ATP8B1: variants seen among roughly 807,000 people sequenced by gnomAD.
The protein encoded by ATP8B1 is phospholipid-transporting ATPase IC.
A neutral mutation model predicts 149.9 loss-of-function variants in ATP8B1; 80 were observed. The observed-to-expected ratio is 0.53, with a 90% confidence interval of 0.45 to 0.64. The LOEUF is 0.64. Among genes scored for constraint, ATP8B1 ranks in the 30% least tolerant of loss-of-function variants. The pLI, the probability that ATP8B1 is intolerant of heterozygous loss-of-function variation, is 0.00. For missense variants in ATP8B1, 1,247 were observed against 1,552.6 expected (o/e 0.80, Z 3.31); for synonymous variants, 536 against 562.8 (o/e 0.95, Z 0.67).
chr18:57,697,991 G>T lies in ATP8B1; in HGVS notation c.555-124C>A, dbSNP rs2122913981. 6.8e-6 allele frequency: 6 copies of T among 882,826 alleles called. No individual in the cohort carries two copies. The East Asian group carries it at 1.1e-4, about 16-fold the overall frequency. The allele number at this position is 882,826 out of a possible 1,614,324, so 54.7% of individuals were successfully genotyped here. On this transcript the variant is annotated intron_variant, in intron 6 of 27. Coordinates refer to ENST00000648908, the MANE Select transcript of ATP8B1 (RefSeq NM_001374385.1). ...GTCACAGAGAAAATGCTAAAATTTT[G>T]CTCTTTAATGGATGTAAACATATTA...
intron 2 of ATP8B1, among the ~76,000 whole-genome samples, chr18:57,720,654 C>A (rs2079635296): frequency 9.2e-6 from 1 of 108,816 alleles, no homozygotes; most frequent in Non-Finnish European, 1.9e-5. Context: ...AGAATGGAAC[C>A]AAGTTGGAAA....
At position 57,667,992 on chromosome 18, in the gene ATP8B1, C is replaced by T. The variant is rs542281082; in HGVS notation, c.2209+437G>A. 41 of 1,117,660 alleles carry T rather than the reference C, an allele frequency of 3.7e-5. No homozygotes were observed. In the African/African-American group the frequency reaches 5.7e-4, roughly 15 times the overall value. The allele number at this position is 1,117,660 out of a possible 1,614,324, so 69.2% of individuals were successfully genotyped here. A position where few individuals can be genotyped will look rare whatever the true frequency, so the allele number is the denominator to read the frequency against. On this transcript the variant is annotated intron_variant, in intron 19 of 27. Coordinates refer to ENST00000648908, the MANE Select transcript of ATP8B1 (RefSeq NM_001374385.1). ...AGTTCTAAAGTTAAAAAATTAAAAT[C>T]GTTCTTTCCTTAGGTATACAATTTT...
chr18:57,720,909 C>T (rs1382679683), intron 2 of ATP8B1, among the ~76,000 whole-genome samples: 1 of 150,632 alleles, frequency 6.6e-6, no homozygotes, highest in Admixed American at 6.6e-5. Flanking sequence ...CGGCAGAAAC[C>T]CTACAAGCCA....
intron 1 of ATP8B1, among the ~76,000 whole-genome samples, chr18:57,746,142 T>C (rs1041539310): frequency 6.6e-6 from 1 of 152,232 alleles, no homozygotes; most frequent in Non-Finnish European, 1.5e-5. Flanking sequence ...ACATTTGCAC[T>C]GAAAGATACA....
intron 1 of ATP8B1, among the ~76,000 whole-genome samples, chr18:57,732,189 G>GTA (rs374980278): frequency 1.7e-5 from 1 of 59,352 alleles, no homozygotes; most frequent in African/African-American, 6.6e-5. Context: ...GTGTATATAT[G>GTA]TATATATGTG....
Position 57,668,617 on chromosome 18 carries a change from A to G in ATP8B1, c.2098-77T>C, listed in dbSNP as rs1911043265. 7.5e-6 allele frequency: 7 copies of G among 936,200 alleles called. No individual in the cohort carries two copies. In the South Asian group the frequency reaches 7.6e-5, roughly 10 times the overall value. The allele number at this position is 936,200 out of a possible 1,614,324, so 58.0% of individuals were successfully genotyped here. On this transcript the variant is annotated intron_variant, in intron 18 of 27. Transcript: ENST00000648908. The stretch of plus-strand genomic sequence containing the variant: ...AGTTTTCTGTAATTACAGGTTGCCA[A>G]CCTGTAAAAAGAAGGGCTAATTATA...
At chr18:57,670,104 AGACCAAGG>A (rs1173216885) in intron 17 of ATP8B1, among the ~76,000 whole-genome samples, 1 of 152,166 alleles carries the variant, frequency 6.6e-6, no homozygotes, top group Non-Finnish European at 1.5e-5. Context: ...GGAAAATATC[AGACCAAGG>A]GAGCTGCCTT....
intron 15 of ATP8B1, among the ~76,000 whole-genome samples, chr18:57,677,742 G>A (rs1453246434): frequency 3.3e-5 from 5 of 152,138 alleles, no homozygotes; most frequent in Admixed American, 2.0e-4. Context: ...AATGCTAGAG[G>A]GCAAACTATT....
intron 1 of ATP8B1, among the ~76,000 whole-genome samples, chr18:57,768,531 A>T (rs899263216): frequency 6.6e-6 from 1 of 150,786 alleles, no homozygotes; most frequent in Non-Finnish European, 1.5e-5. Context: ...GAATTGAGGG[A>T]GGAAAACATA....
intron 1 of ATP8B1, among the ~76,000 whole-genome samples, chr18:57,778,227 T>C (rs776734157): frequency 5.7e-5 from 8 of 140,688 alleles, no homozygotes; most frequent in South Asian, 2.2e-4. Context: ...TTTTTCTTTT[T>C]CTTTTTTTTT....
At chr18:57,713,240 C>CTTCCTTCTTTCTTTCTTTCT (rs1555694278) in intron 2 of ATP8B1, among the ~76,000 whole-genome samples, 24 of 65,098 alleles carry the variant, frequency 3.7e-4, no homozygotes, top group East Asian at 2.4e-3. Flanking sequence ...TCCTTCCTTC[C>CTTCCTTCTTTCTTTCTTTCT]TTCTTTCTTT....
intron 2 of ATP8B1, among the ~76,000 whole-genome samples, chr18:57,729,149 A>G (rs1333878661): frequency 1.3e-5 from 2 of 152,138 alleles, no homozygotes; most frequent in Non-Finnish European, 2.9e-5. Context: ...AAAACAGGGG[A>G]TGAGAGTTTC....
At chr18:57,755,413 A>G (rs981230700) in intron 1 of ATP8B1, 5 of 152,200 alleles carry the variant, frequency 3.3e-5, no homozygotes, top group African/African-American at 1.2e-4. Context: ...TCGGCAGCAC[A>G]TATACTAAAA....
intron 1 of ATP8B1, among the ~76,000 whole-genome samples, chr18:57,756,904 T>C (rs1270998636): frequency 6.6e-6 from 1 of 152,194 alleles, no homozygotes; most frequent in African/African-American, 2.4e-5. Flanking sequence ...TTTTTTGAAC[T>C]TGTAATTTGT....
intron 15 of ATP8B1, among the ~76,000 whole-genome samples, chr18:57,682,649 T>C (rs1912038848): frequency 6.6e-6 from 1 of 152,126 alleles, no homozygotes; most frequent in Non-Finnish European, 1.5e-5. Flanking sequence ...GACCTCTGCT[T>C]CCATGATTCA....
chr18:57,648,317 T>C lies in ATP8B1; in HGVS notation c.*171A>G. 1.2e-6 allele frequency: 1 copy of C among 832,206 alleles called. No individual in the cohort carries two copies. Among genetic ancestry groups the C allele is most frequent in the South Asian group, 1.5e-5 (1 of 66,916 alleles). 51.6% of individuals were successfully genotyped at this position (832,206 alleles called of 1,614,324 possible). A position where few individuals can be genotyped will look rare whatever the true frequency, so the allele number is the denominator to read the frequency against. On this transcript the variant is annotated 3_prime_UTR_variant, in exon 28 of 28. Coordinates refer to ENST00000648908, the MANE Select transcript of ATP8B1 (RefSeq NM_001374385.1). Reference sequence around the variant, plus strand: ...TAGGACTTTTAAAAGTCCTATTTCTTGGCTCTGCTATTGTTTAATAGTCCA... The same window carrying C: ...TAGGACTTTTAAAAGTCCTATTTCTCGGCTCTGCTATTGTTTAATAGTCCA...
At chr18:57,661,714 T>TATATATATA (rs1491309917) in intron 21 of ATP8B1, among the ~76,000 whole-genome samples, 12 of 37,472 alleles carry the variant, frequency 3.2e-4, no homozygotes, top group Non-Finnish European at 1.4e-4. Context: ...TATATATATA[T>TATATATATA]TTTTTTTTTT....
intron 1 of ATP8B1, among the ~76,000 whole-genome samples, chr18:57,764,319 T>G (rs1413215182): frequency 8.5e-6 from 1 of 118,112 alleles, no homozygotes; most frequent in Admixed American, 8.2e-5. Context: ...CTTTCTTTCT[T>G]TCTTTTTCTT....
rs1911088875 is a variant in ATP8B1, at chr18:57,669,353, C to G, written c.2062G>C (p.Asp688His). The change falls in exon 18 of 28, where the codon GAT (aspartate) becomes CAT (histidine). Residue 688 changes from aspartate (D) to histidine (H), a missense_variant. This residue lies in a region of ATP8B1 where 853 missense variants were observed against 1,035.7 expected (regional missense o/e 0.82). Transcript: ENST00000648908. ...VASTNRDEAL[D>H]KVYEEIEKDL... ...TTTTCAATCTCCTCATATACTTTAT[C>G]CAGAGCTTCGTCCCGGTTGGTGGAG... The G allele has an allele frequency of 1.2e-6, 2 of 1,613,346 alleles. No homozygotes were observed. The highest frequency in any genetic ancestry group is 1.7e-6 in the Non-Finnish European group (2 of 1,179,870).
Sources: allele counts gnomAD v4.1 joint callset (sites outside exome capture counted in the v4.1 genomes callset), GRCh38; gene constraint gnomAD v4.1.1; regional missense constraint gnomAD v4.1.1; transcripts MANE v1.5; gene names NCBI Gene and HGNC (gene_info 2026-07-23, HGNC 2026-07-21).